The following C14orf39 variants were observed in gnomAD, a reference collection of about 807,000 sequenced individuals.
C14orf39 encodes the protein chromosome 14 open reading frame 39.
Under a neutral mutation model 85.6 loss-of-function variants are expected in C14orf39, and 66 were observed. The observed-to-expected ratio is 0.77, with a 90% CI of 0.63 to 0.95. C14orf39 has a LOEUF of 0.95. Among genes scored for constraint, C14orf39 ranks in the 40% least tolerant of loss-of-function variants. The pLI is 0.00. For synonymous variants in C14orf39, 242 were observed against 214.0 expected (o/e 1.13, Z -1.14); for missense variants, 735 against 663.9 (o/e 1.11, Z -1.18).
intron 14 of C14orf39, among the ~76,000 whole-genome samples, chr14:60,458,207 A>G (rs1190372560): frequency 1.3e-5 from 2 of 151,900 alleles, no homozygotes. Context: ...GATCTAACAC[A>G]AGGCCTTATT....
At chr14:60,500,667 T>C (rs1269916327) in intron 1 of C14orf39, among the ~76,000 whole-genome samples, 1 of 152,188 alleles carries the variant, frequency 6.6e-6, no homozygotes, top group Non-Finnish European at 1.5e-5. Flanking sequence ...TAAAACAGTA[T>C]GGATAATATA....
At chr14:60,475,579 T>A (rs562558168) in intron 5 of C14orf39, among the ~76,000 whole-genome samples, 4 of 152,090 alleles carry the variant, frequency 2.6e-5, no homozygotes, top group Non-Finnish European at 5.9e-5. Flanking sequence ...ATAAATAAAG[T>A]TTTATTAGAG....
intron 17 of C14orf39, among the ~76,000 whole-genome samples, chr14:60,439,801 CG>C (rs1566652178): frequency 2.0e-5 from 3 of 152,154 alleles, no homozygotes; most frequent in African/African-American, 7.2e-5. Context: ...GGGCTGGGTA[CG>C]GTGGCTCACG....
At chr14:60,452,229 A>G (rs1891073744) in intron 16 of C14orf39, among the ~76,000 whole-genome samples, 1 of 152,036 alleles carries the variant, frequency 6.6e-6, no homozygotes, top group Admixed American at 6.6e-5. Flanking sequence ...AAAAGAGACA[A>G]TGGATACACC....
chr14:60,497,880 C>T (rs1893091609), intron 2 of C14orf39, among the ~76,000 whole-genome samples: 3 of 149,742 alleles, frequency 2.0e-5, no homozygotes, highest in Admixed American at 2.0e-4. Flanking sequence ...GAAACTCCAT[C>T]TCAAAAAAAA....
Position 60,456,915 on chromosome 14 carries a change from A to C in C14orf39, c.1358+2T>G. On this transcript the variant is annotated splice_donor_variant, in intron 15 of 17. Transcript: ENST00000321731. LOFTEE classifies it high-confidence loss of function. ...AACAATAGTTATTAATTAAAATCCT[A>C]CATTTCGAACGGGGGGGTTTTAGGG... 1.3e-6 allele frequency: 2 copies of C among 1,560,356 alleles called. No homozygotes were observed. The highest frequency in any genetic ancestry group is 2.4e-5 in the South Asian group (2 of 81,914).
At chr14:60,466,889 GT>G (rs531383439) in intron 10 of C14orf39, 27 bp downstream of exon 10, 3 of 1,446,172 alleles carry the variant, frequency 2.1e-6, no homozygotes, top group East Asian at 2.7e-5. Context: ...AAAAAATGAT[GT>G]TTTTGAATAA....
intron 1 of C14orf39, chr14:60,511,462 GGTGAGGCCTGACCCAGCACCAC>G: frequency 1.5e-6 from 1 of 648,282 alleles, no homozygotes; most frequent in Non-Finnish European, 2.8e-6. Flanking sequence ...GGGAACCAGC[GGTGAGGCCTGACCCAGCACCAC>G]GTTCTTCTTG....
intron 5 of C14orf39, among the ~76,000 whole-genome samples, chr14:60,476,006 G>A (rs1892358061): frequency 6.6e-6 from 1 of 152,134 alleles, no homozygotes; most frequent in African/African-American, 2.4e-5. Flanking sequence ...GAGAAGAAAA[G>A]TAAGGATAAC....
At chr14:60,441,024 T>G (rs1479084106) in intron 17 of C14orf39, among the ~76,000 whole-genome samples, 2 of 152,152 alleles carry the variant, frequency 1.3e-5, no homozygotes, top group Non-Finnish European at 2.9e-5. Context: ...TGCATAGTAT[T>G]TATCACCAAC....
At position 60,506,665 on chromosome 14, in the gene C14orf39, T is replaced by C. The variant is rs771276360; in HGVS notation, c.-143-7235A>G. 3.0e-4 allele frequency among the ~76,000 whole-genome samples: 45 copies of C among 152,276 alleles called. 2 individuals carry two copies. The Middle Eastern group carries it at 0.024, about 81-fold the overall frequency. Reference sequence around the variant, plus strand: ...ATGGCGAAGATGGATCTCCTGATAGTAGTCCCCAACCTCCAGGCACTTCTC... The same window carrying C: ...ATGGCGAAGATGGATCTCCTGATAGCAGTCCCCAACCTCCAGGCACTTCTC... On this transcript the variant is annotated intron_variant, in intron 1 of 5. Transcript: ENST00000556799.
chr14:60,509,744 A>C, intron 1 of C14orf39: 1 of 1,613,418 alleles, frequency 6.2e-7, no homozygotes, highest in South Asian at 1.1e-5. Context: ...GTACCGAGTA[A>C]GGAAGAAGTT....
intron 17 of C14orf39, among the ~76,000 whole-genome samples, chr14:60,440,876 C>T (rs1298291147): frequency 2.0e-5 from 3 of 152,126 alleles, no homozygotes; most frequent in Admixed American, 2.0e-4. Flanking sequence ...GCTTGGAACA[C>T]TTTTCCCAGT....
intron 1 of C14orf39, among the ~76,000 whole-genome samples, chr14:60,500,273 C>T (rs891474485): frequency 6.6e-6 from 1 of 152,162 alleles, no homozygotes; most frequent in African/African-American, 2.4e-5. Flanking sequence ...GTGATCCACC[C>T]ACCTCAGCCT....
upstream of C14orf39, among the ~76,000 whole-genome samples, chr14:60,487,910 ATCT>A (rs1254850545): frequency 1.3e-5 from 2 of 152,154 alleles, no homozygotes; most frequent in African/African-American, 2.4e-5. Flanking sequence ...CGATTTGCAC[ATCT>A]TCTTTTGAGC....
chr14:60,514,167 G>A (rs188958686), intron 1 of C14orf39, among the ~76,000 whole-genome samples: 73 of 152,166 alleles, frequency 4.8e-4, no homozygotes, highest in African/African-American at 1.3e-3. Context: ...TCTTCCCAAG[G>A]ACATTTAAAG....
intron 16 of C14orf39, among the ~76,000 whole-genome samples, chr14:60,444,002 C>T (rs376194523): frequency 2.0e-5 from 3 of 152,214 alleles, no homozygotes; most frequent in East Asian, 3.9e-4. Context: ...ATAGCATCAA[C>T]ATCAACAAAA....
chr14:60,461,232 C>G, intron 13 of C14orf39, 122 bp downstream of exon 13: 1 of 688,412 alleles, frequency 1.5e-6, no homozygotes, highest in Non-Finnish European at 2.4e-6. Flanking sequence ...ATTTTAAAGC[C>G]AGGCGTGCAT....
intron 1 of C14orf39, among the ~76,000 whole-genome samples, chr14:60,506,403 T>C (rs535284978): frequency 6.6e-6 from 1 of 152,358 alleles, no homozygotes; most frequent in Non-Finnish European, 1.5e-5. Flanking sequence ...AGCTTTCGTC[T>C]GGCAAACTTG....
Sources: gnomAD v4.1 joint callset for allele counts (sites outside exome capture counted in the v4.1 genomes callset) on GRCh38, gnomAD v4.1.1 for gene constraint, MANE v1.5 for transcripts, NCBI Gene and HGNC (gene_info 2026-07-23, HGNC 2026-07-21) for gene names.